Variants in CTNNA2 observed in about 807,000 individuals in gnomAD.
CTNNA2 encodes catenin alpha 2, also known as catenin alpha-2.
Under a neutral mutation model 101.0 loss-of-function variants are expected in CTNNA2, and 42 were observed. That is an observed-to-expected ratio of 0.42 (90% CI 0.32 to 0.54). The LOEUF (loss-of-function observed/expected upper bound fraction) is 0.54. Ranked by LOEUF, CTNNA2 falls within the 20% of genes least tolerant of loss-of-function variation. The probability of loss-of-function intolerance (pLI) is 0.14; values close to 1 mark genes in which losing one functional copy is unlikely to be tolerated. For synonymous variants in CTNNA2, 450 were observed against 456.4 expected, an observed-to-expected ratio of 0.99 and a Z score of 0.18; for missense variants, 871 against 1,223.1, an observed-to-expected ratio of 0.71 and a Z score of 4.29.
chr2:79,952,534 G>C (rs780765130), intron 7 of CTNNA2, among the ~76,000 whole-genome samples: 2 of 152,160 alleles, frequency 1.3e-5, no homozygotes, highest in Admixed American at 6.5e-5. Flanking sequence ...CAATAGAGTT[G>C]TTATAAAAAA....
intron 7 of CTNNA2, among the ~76,000 whole-genome samples, chr2:80,203,111 C>T (rs1195085573): frequency 1.3e-5 from 2 of 152,188 alleles, no homozygotes; most frequent in Non-Finnish European, 2.9e-5. Flanking sequence ...TCATCTCCCA[C>T]CTGGTCCCTC....
chr2:80,077,206 A>G (rs961519981), intron 7 of CTNNA2, among the ~76,000 whole-genome samples: 37 of 152,318 alleles, frequency 2.4e-4, no homozygotes, highest in African/African-American at 8.9e-4. Flanking sequence ...CAGTTTGGCA[A>G]TTTCTTTGTT....
chr2:79,664,391 G>A (rs1474829282), intron 2 of CTNNA2, among the ~76,000 whole-genome samples: 2 of 152,040 alleles, frequency 1.3e-5, no homozygotes. Flanking sequence ...CAACCATTAT[G>A]AACTTTCTGT....
chr2:79,479,257 C>T (rs1243692486), intron 4 of CTNNA2, among the ~76,000 whole-genome samples: 1 of 152,150 alleles, frequency 6.6e-6, no homozygotes, highest in Non-Finnish European at 1.5e-5. Flanking sequence ...GACAGGATGC[C>T]ATGTCCAAGT....
intron 4 of CTNNA2, among the ~76,000 whole-genome samples, chr2:79,494,118 CAA>C (rs1671231045): frequency 6.6e-6 from 1 of 151,976 alleles, no homozygotes; most frequent in Non-Finnish European, 1.5e-5. Flanking sequence ...TTTAACAAGA[CAA>C]GTGCAATATT....
At chr2:79,307,337 C>T (rs1179268321) in intron 2 of CTNNA2, among the ~76,000 whole-genome samples, 1 of 145,336 alleles carries the variant, frequency 6.9e-6, no homozygotes, top group Non-Finnish European at 1.5e-5. Context: ...GGAACTTACT[C>T]CTCCGATCTA....
intron 3 of CTNNA2, among the ~76,000 whole-genome samples, chr2:79,780,003 A>T (rs1460186710): frequency 1.3e-5 from 2 of 152,156 alleles, no homozygotes; most frequent in African/African-American, 2.4e-5. Flanking sequence ...TTATCTCTGA[A>T]GCCTGCACCT....
At chr2:80,641,791 A>T in intron 18 of CTNNA2, among the ~76,000 whole-genome samples, 1 of 150,618 alleles carries the variant, frequency 6.6e-6, no homozygotes, top group Non-Finnish European at 1.5e-5. Flanking sequence ...TTAGATTATT[A>T]AAAGGATATT....
Position 79,350,057 on chromosome 2 carries a change from G to A in CTNNA2, c.-317-23774G>A, listed in dbSNP as rs1357855225. 1.1e-4 allele frequency among the ~76,000 whole-genome samples: 12 copies of A among 108,534 alleles called. No homozygotes were observed. The East Asian group carries it at 3.7e-3, about 33-fold the overall frequency. The allele number at this position is 108,534 out of a possible 152,430, so 71.2% of individuals were successfully genotyped here. A position where few individuals can be genotyped will look rare whatever the true frequency, so the allele number is the denominator to read the frequency against. ...CCACTGCACTCCAGCCTGGACGACA[G>A]AGCGAGACTCCTTCTCAAAAAAAAA... On this transcript the variant is annotated intron_variant, in intron 3 of 21. Transcript: ENST00000466387.
upstream of CTNNA2, among the ~76,000 whole-genome samples, chr2:79,508,084 T>C (rs921881860): frequency 3.3e-5 from 5 of 152,180 alleles, no homozygotes; most frequent in Non-Finnish European, 5.9e-5. Flanking sequence ...GGAGTGAACA[T>C]ATGAACCAGA....
At chr2:79,637,944 G>A (rs1045111870) in intron 1 of CTNNA2, among the ~76,000 whole-genome samples, 9 of 152,128 alleles carry the variant, frequency 5.9e-5, no homozygotes, top group African/African-American at 2.2e-4. Context: ...GGTAACATAG[G>A]TCAAGTGCCT....
chr2:79,769,871 T>TA (rs1673445317), intron 3 of CTNNA2, among the ~76,000 whole-genome samples: 2 of 152,238 alleles, frequency 1.3e-5, no homozygotes, highest in Admixed American at 1.3e-4. Flanking sequence ...CTTTCTGCAA[T>TA]AAAAATAGTT....
intron 7 of CTNNA2, among the ~76,000 whole-genome samples, chr2:80,072,734 G>C (rs1032034711): frequency 1.3e-5 from 2 of 152,140 alleles, no homozygotes; most frequent in Non-Finnish European, 2.9e-5. Flanking sequence ...ATGCAAAAAG[G>C]GAAGGTGGAG....
chr2:79,266,397 T>C (rs933612398), intron 2 of CTNNA2, among the ~76,000 whole-genome samples: 3 of 152,316 alleles, frequency 2.0e-5, no homozygotes, highest in African/African-American at 7.2e-5. Context: ...CCCACCGTGG[T>C]AATGTGTCTG....
rs149219183 is a variant in CTNNA2 at position 79,223,293 on chromosome 2, C to G, written c.-406+25217C>G. On this transcript the variant is annotated intron_variant, in intron 2 of 21. Transcript: ENST00000466387. ...ACCAAAATCCAACAATGCTGGCACC[C>G]TCATCTCAAACTTCCAGCCTGCAAA... Among the ~76,000 whole-genome samples the G allele has an allele frequency of 1.2e-4, 19 of 152,316 alleles. 1 individual carries two copies. The highest frequency in any genetic ancestry group is 4.6e-4 in the African/African-American group (19 of 41,566).
At chr2:79,401,494 A>G (rs1272734200) in intron 4 of CTNNA2, among the ~76,000 whole-genome samples, 9 of 151,780 alleles carry the variant, frequency 5.9e-5, no homozygotes, top group Non-Finnish European at 8.9e-5. Flanking sequence ...GTCAGAGCAA[A>G]TATTTGTATA....
chr2:79,841,898 A>G (rs1679845455), intron 3 of CTNNA2, among the ~76,000 whole-genome samples: 1 of 152,218 alleles, frequency 6.6e-6, no homozygotes, highest in South Asian at 2.1e-4. Context: ...TTACAACATG[A>G]TATCCATAAT....
chr2:79,973,816 G>T (rs1354506024), intron 7 of CTNNA2, among the ~76,000 whole-genome samples: 1 of 152,198 alleles, frequency 6.6e-6, no homozygotes, highest in Non-Finnish European at 1.5e-5. Flanking sequence ...ACCAGTGTAA[G>T]GTTGGACAGG....
chr2:80,083,722 A>G (rs1699280763), intron 7 of CTNNA2, among the ~76,000 whole-genome samples: 1 of 152,172 alleles, frequency 6.6e-6, no homozygotes, highest in Non-Finnish European at 1.5e-5. Context: ...TATTTGAGTA[A>G]GGAACCTTGC....
Sources: allele counts gnomAD v4.1 joint callset (sites outside exome capture counted in the v4.1 genomes callset), GRCh38; gene constraint gnomAD v4.1.1; transcripts MANE v1.5; gene names NCBI Gene and HGNC (gene_info 2026-07-23, HGNC 2026-07-21).